The following GPR137C variants were observed in gnomAD, a reference collection of about 807,000 sequenced individuals.
GPR137C encodes the protein G protein-coupled receptor 137C.
GPR137C carries 27 observed loss-of-function variants against 43.4 expected under a neutral mutation model. The observed-to-expected ratio is 0.62, with a 90% CI of 0.46 to 0.86. The LOEUF (loss-of-function observed/expected upper bound fraction) is 0.86, where lower values mean the gene tolerates loss of function less well. GPR137C is among the 40% of genes least tolerant of loss of function. The pLI, the probability that GPR137C is intolerant of heterozygous loss-of-function variation, is 0.00. For missense variants in GPR137C, 522 were observed against 534.6 expected, an observed-to-expected ratio of 0.98 and a Z score of 0.23; for synonymous variants, 285 against 226.9, an observed-to-expected ratio of 1.26 and a Z score of -2.30.
chr14:52,595,319 T>TATC (rs1282311591), intron 1 of GPR137C, among the ~76,000 whole-genome samples: 1 of 152,098 alleles, frequency 6.6e-6, no homozygotes, highest in Non-Finnish European at 1.5e-5. Context: ...TCTTGAGGAG[T>TATC]ATCTTTGTGG....
At chr14:52,581,409 G>C (rs1009138902) in intron 1 of GPR137C, among the ~76,000 whole-genome samples, 1 of 149,766 alleles carries the variant, frequency 6.7e-6, no homozygotes, top group Non-Finnish European at 1.5e-5. Context: ...GGTGATGCAC[G>C]CCTGTAATTC....
intron 3 of GPR137C, among the ~76,000 whole-genome samples, chr14:52,603,314 AC>A (rs2095257288): frequency 1.3e-5 from 2 of 152,222 alleles, no homozygotes; most frequent in Non-Finnish European, 2.9e-5. Flanking sequence ...TCCATTGTAT[AC>A]ATGTACCACA....
chr14:52,603,405 A>G (rs1252848453), intron 3 of GPR137C, among the ~76,000 whole-genome samples: 1 of 152,192 alleles, frequency 6.6e-6, no homozygotes, highest in Non-Finnish European at 1.5e-5. Flanking sequence ...TACAATAAAT[A>G]TGGGAGTGCA....
At chr14:52,597,044 G>A (rs1308838298) in intron 1 of GPR137C, 2 of 454,348 alleles carry the variant, frequency 4.4e-6, no homozygotes, top group Admixed American at 2.4e-5. Flanking sequence ...ACACGTGGCT[G>A]TACAGTAGGT....
chr14:52,601,159 GA>G (rs1169858019), intron 3 of GPR137C, among the ~76,000 whole-genome samples: 11 of 152,160 alleles, frequency 7.2e-5, no homozygotes, highest in African/African-American at 2.7e-4. Flanking sequence ...CATTGGGTGT[GA>G]GGGGGTAGAT....
rs147118635 is a variant in GPR137C, at chr14:52,632,317, C to A, written c.867+8C>A. 1.5e-4 allele frequency: 243 copies of A among 1,594,664 alleles called. 2 individuals are homozygous for A. The African/African-American group carries it at 3.0e-3, about 20-fold the overall frequency. On this transcript the variant is annotated splice_region_variant and intron_variant, in intron 4 of 6. Coordinates refer to ENST00000321662, the MANE Select transcript of GPR137C (RefSeq NM_001099652.2). Reference sequence around the variant, plus strand: ...GATAATCTTTCAGATAAGGTAAATACCTACCACGTATTGCCAGTCTAACAA... The same window carrying A: ...GATAATCTTTCAGATAAGGTAAATAACTACCACGTATTGCCAGTCTAACAA...
At chr14:52,613,961 A>G (rs545015389) in intron 3 of GPR137C, among the ~76,000 whole-genome samples, 8 of 152,150 alleles carry the variant, frequency 5.3e-5, no homozygotes, top group Non-Finnish European at 1.0e-4. Context: ...ACTAATTTAC[A>G]TTCCCACCAA....
At chr14:52,598,171 T>G (rs1408887250) in intron 1 of GPR137C, 101 bp from the exon 2 acceptor site, 3 of 464,244 alleles carry the variant, frequency 6.5e-6, no homozygotes, top group Admixed American at 4.1e-5. Context: ...GCGTGCTATA[T>G]GTTATTTATA....
intron 1 of GPR137C, among the ~76,000 whole-genome samples, chr14:52,581,951 C>A (rs1192321552): frequency 6.6e-6 from 1 of 152,174 alleles, no homozygotes; most frequent in African/African-American, 2.4e-5. Context: ...GCAACATGGT[C>A]TACATGTCAT....
At chr14:52,594,444 G>C (rs1034538295) in intron 1 of GPR137C, among the ~76,000 whole-genome samples, 1 of 151,018 alleles carries the variant, frequency 6.6e-6, no homozygotes, top group African/African-American at 2.4e-5. Context: ...TCCGATTATT[G>C]GGAGTCTAAG....
At chr14:52,568,693 C>T (rs1412854228) in intron 1 of GPR137C, among the ~76,000 whole-genome samples, 4 of 152,208 alleles carry the variant, frequency 2.6e-5, no homozygotes, top group South Asian at 4.1e-4. Context: ...TAGAACTGGG[C>T]GGAGCCAACC....
intron 3 of GPR137C, among the ~76,000 whole-genome samples, chr14:52,629,045 G>A (rs1347635918): frequency 1.3e-5 from 2 of 152,102 alleles, no homozygotes; most frequent in Non-Finnish European, 2.9e-5. Context: ...AGTCATCTGG[G>A]AAATGCAAAT....
At chr14:52,603,387 A>G (rs1365904616) in intron 3 of GPR137C, among the ~76,000 whole-genome samples, 1 of 152,244 alleles carries the variant, frequency 6.6e-6, no homozygotes, top group Non-Finnish European at 1.5e-5. Flanking sequence ...GGCTATTATG[A>G]ATAGTGCTAC....
At chr14:52,597,989 C>G (rs995998494) in intron 1 of GPR137C, among the ~76,000 whole-genome samples, 2 of 152,086 alleles carry the variant, frequency 1.3e-5, no homozygotes, top group Non-Finnish European at 2.9e-5. Flanking sequence ...ACAATGTCTG[C>G]CTCATAATAC....
At chr14:52,633,980 T>C (rs761617430) in intron 6 of GPR137C, 34 bp downstream of exon 6, 1 of 1,225,354 alleles carries the variant, frequency 8.2e-7, no homozygotes, top group South Asian at 1.2e-5. Flanking sequence ...CCTGAATTAC[T>C]ATTGAAATTG....
intron 3 of GPR137C, among the ~76,000 whole-genome samples, chr14:52,616,312 G>C (rs1407617446): frequency 1.3e-5 from 2 of 148,562 alleles, no homozygotes; most frequent in Non-Finnish European, 3.0e-5. Context: ...TGTTTGTTTT[G>C]AGACAGGGTC....
At position 52,637,046 on chromosome 14, in the gene GPR137C, A is replaced by G. The variant is rs1436492230; in HGVS notation, c.*1931A>G. 6.6e-6 allele frequency: 1 copy of G among 152,202 alleles called. No homozygotes were observed. Among genetic ancestry groups the G allele is most frequent in the Non-Finnish European group, 1.5e-5 (1 of 68,012 alleles). The allele number at this position is 152,202 out of a possible 1,614,324, so 9.4% of individuals were successfully genotyped here. A position where few individuals can be genotyped will look rare whatever the true frequency, so the allele number is the denominator to read the frequency against. On this transcript the variant is annotated 3_prime_UTR_variant, in exon 7 of 7. Transcript: ENST00000321662. ...CCCTCGATAATGTTCCTATTTGACC[A>G]AACTAACAAAGATTACTTTTTAAAA...
intron 3 of GPR137C, 44 bp from the exon 4 acceptor site, chr14:52,632,103 TAGCTTGTCGTGAC>T: frequency 8.1e-7 from 1 of 1,227,012 alleles, no homozygotes; most frequent in Non-Finnish European, 1.2e-6. Context: ...TGTACATGAA[TAGCTTGTCGTGAC>T]AAATGTGTAG....
chr14:52,623,863 C>G (rs2039189586), intron 3 of GPR137C, among the ~76,000 whole-genome samples: 1 of 151,860 alleles, frequency 6.6e-6, no homozygotes, highest in Non-Finnish European at 1.5e-5. Context: ...CCATTTTAAC[C>G]ATTATTAAGC....
Sources: gnomAD v4.1 joint callset for allele counts (sites outside exome capture counted in the v4.1 genomes callset) on GRCh38, gnomAD v4.1.1 for gene constraint, MANE v1.5 for transcripts, NCBI Gene and HGNC (gene_info 2026-07-23, HGNC 2026-07-21) for gene names.